FAM20C: variants seen among roughly 807,000 people sequenced by gnomAD.
FAM20C encodes extracellular serine/threonine protein kinase FAM20C.
FAM20C carries 40 observed loss-of-function variants against 51.5 expected under a neutral mutation model. The ratio of observed to expected loss-of-function variants is 0.78; its 90% CI spans 0.60 to 1.01. FAM20C has a LOEUF of 1.01. Ranked by LOEUF, FAM20C falls within the 50% of genes least tolerant of loss-of-function variation. FAM20C has a pLI of 0.00. For synonymous variants in FAM20C, 406 were observed against 380.6 expected (o/e 1.07, Z -0.78); for missense variants, 861 against 844.7 (o/e 1.02, Z -0.24).
At chr7:218,126 G>A (rs1787089905) in intron 3 of FAM20C, among the ~76,000 whole-genome samples, 1 of 152,208 alleles carries the variant, frequency 6.6e-6, no homozygotes, top group Non-Finnish European at 1.5e-5. Context: ...CTCCTCGTCT[G>A]TGAAACGGGG....
intron 5 of FAM20C, among the ~76,000 whole-genome samples, chr7:252,389 G>A (rs919264955): frequency 6.8e-5 from 10 of 147,378 alleles, no homozygotes; most frequent in African/African-American, 2.0e-4. Context: ...ACACCCCCTC[G>A]GCCTTCCGAC....
At chr7:254,561 G>T (rs1468176006) in intron 5 of FAM20C, among the ~76,000 whole-genome samples, 1 of 152,234 alleles carries the variant, frequency 6.6e-6, no homozygotes, top group Non-Finnish European at 1.5e-5. Context: ...AGCGGGCCTG[G>T]ACAGCGCTTG....
chr7:203,294 G>A (rs1054706748), intron 2 of FAM20C, among the ~76,000 whole-genome samples: 3 of 152,256 alleles, frequency 2.0e-5, no homozygotes, highest in African/African-American at 2.4e-5. Flanking sequence ...GTGCCCACAC[G>A]CCTGGGCTTC....
At chr7:244,973 G>A (rs1169961235) in intron 3 of FAM20C, among the ~76,000 whole-genome samples, 1 of 152,204 alleles carries the variant, frequency 6.6e-6, no homozygotes, top group Non-Finnish European at 1.5e-5. Flanking sequence ...CGGGAGCCAC[G>A]GGCTGGTGTG....
chr7:208,355 A>G (rs372584577), intron 2 of FAM20C, among the ~76,000 whole-genome samples: 9 of 128,554 alleles, frequency 7.0e-5, no homozygotes, highest in African/African-American at 3.1e-4. Context: ...TGTGTACTGT[A>G]GGGTGTGGTG....
At chr7:232,827 G>A (rs1227153953) in intron 3 of FAM20C, among the ~76,000 whole-genome samples, 6 of 152,198 alleles carry the variant, frequency 3.9e-5, no homozygotes, top group South Asian at 2.1e-4. Context: ...TGTCCCTCCC[G>A]CTGAAGCCAC....
At chr7:198,785 C>G (rs534779740) in intron 2 of FAM20C, among the ~76,000 whole-genome samples, 1 of 152,172 alleles carries the variant, frequency 6.6e-6, no homozygotes, top group African/African-American at 2.4e-5. Flanking sequence ...GGGGGAAGCT[C>G]TCCTACTGGG....
At chr7:253,932 C>T (rs938160445) in intron 5 of FAM20C, among the ~76,000 whole-genome samples, 2 of 152,256 alleles carry the variant, frequency 1.3e-5, no homozygotes, top group African/African-American at 2.4e-5. Context: ...GGAGCTCCTG[C>T]CCCGGTGGGG....
chr7:211,820 G>T (rs949150005), intron 3 of FAM20C, among the ~76,000 whole-genome samples: 1 of 152,236 alleles, frequency 6.6e-6, no homozygotes, highest in South Asian at 2.1e-4. Context: ...GGCTGGTCCG[G>T]GACTCCGTCT....
At chr7:205,850 C>T (rs147918321) in intron 2 of FAM20C, among the ~76,000 whole-genome samples, 22 of 152,246 alleles carry the variant, frequency 1.4e-4, no homozygotes, top group East Asian at 1.4e-3. Flanking sequence ...CCACGAAGCC[C>T]GCTGTCCTCA....
At chr7:216,959 CG>C (rs1562376566) in intron 3 of FAM20C, among the ~76,000 whole-genome samples, 1 of 152,046 alleles carries the variant, frequency 6.6e-6, no homozygotes, top group African/African-American at 2.4e-5. Context: ...AAGGCAGGAG[CG>C]GGGGCCCACC....
chr7:228,473 C>T (rs958590736), intron 3 of FAM20C: 4 of 455,958 alleles, frequency 8.8e-6, no homozygotes, highest in African/African-American at 8.0e-5. Context: ...AGTGTGGGGT[C>T]AACAAGCCAG....
In FAM20C at chr7:245,233, G is replaced by A. The variant is rs561457278; in HGVS notation, c.864-1182G>A. Reference sequence around the variant, plus strand: ...ATTGCTGGAGTGTTGGAGCCCAGACGGAACACAGTCTGCCCTGAGTGGGAG... The same window carrying A: ...ATTGCTGGAGTGTTGGAGCCCAGACAGAACACAGTCTGCCCTGAGTGGGAG... On this transcript the variant is annotated intron_variant, in intron 3 of 9. Transcript: ENST00000313766. Among the ~76,000 whole-genome samples, 8 of 152,358 alleles carry A rather than the reference G, an allele frequency of 5.3e-5. No individual in the cohort carries two copies. In the East Asian group the frequency reaches 1.5e-3, roughly 29 times the overall value.
intron 6 of FAM20C, 167 bp from the exon 7 acceptor site, chr7:256,487 T>C (rs1204929662): frequency 6.3e-6 from 4 of 637,728 alleles, no homozygotes; most frequent in African/African-American, 3.6e-5. Flanking sequence ...CTCCGTCCCC[T>C]CCCACACCCG....
chr7:242,381 G>A (rs975888664), intron 3 of FAM20C, among the ~76,000 whole-genome samples: 11,015 of 152,188 alleles, frequency 0.072, 571 homozygotes, highest in Non-Finnish European at 0.1. Context: ...AGGGGCGTCC[G>A]CAGGACGGAA....
At chr7:241,878 T>C (rs1295966387) in intron 3 of FAM20C, among the ~76,000 whole-genome samples, 1 of 151,270 alleles carries the variant, frequency 6.6e-6, no homozygotes, top group Admixed American at 6.6e-5. Flanking sequence ...TGAGTGGGTA[T>C]GTGTGTGTGC....
At chr7:198,603 A>G (rs1167081831) in intron 2 of FAM20C, among the ~76,000 whole-genome samples, 2 of 152,142 alleles carry the variant, frequency 1.3e-5, no homozygotes, top group Admixed American at 6.5e-5. Context: ...TGGGCATGCC[A>G]TGATCCACAC....
chr7:194,939 G>A (rs1474617535), intron 1 of FAM20C, among the ~76,000 whole-genome samples: 2 of 152,232 alleles, frequency 1.3e-5, no homozygotes, highest in Non-Finnish European at 2.9e-5. Context: ...AGAGATGTGA[G>A]GACAGGCTGC....
chr7:218,422 G>A (rs895208906), intron 3 of FAM20C, among the ~76,000 whole-genome samples: 9 of 152,216 alleles, frequency 5.9e-5, no homozygotes, highest in African/African-American at 2.2e-4. Context: ...ACTGACCCTC[G>A]GGTGTGGCCC....
Sources: allele counts gnomAD v4.1 joint callset (sites outside exome capture counted in the v4.1 genomes callset), GRCh38; gene constraint gnomAD v4.1.1; transcripts MANE v1.5; gene names NCBI Gene and HGNC (gene_info 2026-07-23, HGNC 2026-07-21).